The following CADM2 variants were observed in gnomAD, a reference collection of about 807,000 sequenced individuals.
CADM2 encodes cell adhesion molecule 2, also known as immunoglobulin superfamily member 4D.
In CADM2, 12 loss-of-function variants were observed where a neutral mutation model predicts 49.8. The observed-to-expected ratio is 0.24, with a 90% CI of 0.15 to 0.39. The LOEUF is 0.39. Among genes scored for constraint, CADM2 ranks in the 10% least tolerant of loss-of-function variants. CADM2 has a pLI of 1.00. For missense variants in CADM2, 378 were observed against 492.3 expected (o/e 0.77, Z 2.20); for synonymous variants, 214 against 175.4 (o/e 1.22, Z -1.74).
At chr3:85,967,499 A>C (rs1392126567) in intron 8 of CADM2, among the ~76,000 whole-genome samples, 1 of 151,642 alleles carries the variant, frequency 6.6e-6, no homozygotes, top group African/African-American at 2.4e-5. Flanking sequence ...TAATACCTTA[A>C]ATTTGCTTTT....
intron 1 of CADM2, among the ~76,000 whole-genome samples, chr3:85,474,299 A>C (rs983498637): frequency 5.9e-5 from 9 of 151,918 alleles, no homozygotes; most frequent in Non-Finnish European, 1.0e-4. Context: ...TTGAAGTTGG[A>C]GTCCGAAGAG....
intron 1 of CADM2, among the ~76,000 whole-genome samples, chr3:85,481,334 T>C (rs2039201869): frequency 6.6e-6 from 1 of 151,364 alleles, no homozygotes; most frequent in Non-Finnish European, 1.5e-5. Flanking sequence ...AGTTAATTTA[T>C]CACCAATGAC....
chr3:85,562,933 A>C (rs1423251662), intron 1 of CADM2, among the ~76,000 whole-genome samples: 1 of 152,182 alleles, frequency 6.6e-6, no homozygotes, highest in African/African-American at 2.4e-5. Flanking sequence ...ATTGTACAAG[A>C]AGGGAAATCA....
chr3:85,494,814 T>A (rs1311488663), intron 1 of CADM2, among the ~76,000 whole-genome samples: 4 of 152,162 alleles, frequency 2.6e-5, no homozygotes, highest in Non-Finnish European at 5.9e-5. Context: ...TAATTTATAG[T>A]ATAAATGGTG....
intron 1 of CADM2, among the ~76,000 whole-genome samples, chr3:84,966,166 T>C (rs1218612762): frequency 6.6e-6 from 1 of 152,164 alleles, no homozygotes; most frequent in East Asian, 1.9e-4. Flanking sequence ...CTTAGAAGCA[T>C]GCAGCCTATT....
At chr3:85,255,381 A>G (rs1372975299) in intron 1 of CADM2, among the ~76,000 whole-genome samples, 2 of 152,090 alleles carry the variant, frequency 1.3e-5, no homozygotes, top group South Asian at 2.1e-4. Flanking sequence ...AGGCTTAGTT[A>G]GTGGACATGA....
chr3:85,042,524 G>T (rs929572861), intron 1 of CADM2, among the ~76,000 whole-genome samples: 7 of 151,668 alleles, frequency 4.6e-5, no homozygotes, highest in Non-Finnish European at 8.8e-5. Context: ...CTTTTTAGAT[G>T]CTCTGCAATA....
At chr3:85,340,706 C>T (rs988712193) in intron 1 of CADM2, among the ~76,000 whole-genome samples, 1 of 151,540 alleles carries the variant, frequency 6.6e-6, no homozygotes, top group Non-Finnish European at 1.5e-5. Context: ...GGCTTTACCT[C>T]TTTAAAAGAA....
intron 2 of CADM2, among the ~76,000 whole-genome samples, chr3:85,784,530 T>TTATCTATCTATCTATC (rs71112118): frequency 1.4e-5 from 2 of 142,202 alleles, no homozygotes; most frequent in Non-Finnish European, 3.1e-5. Context: ...CTAAATATAT[T>TTATCTATCTATCTATC]TATCTATCTA....
At chr3:85,990,752 T>A (rs1419068281) in intron 8 of CADM2, among the ~76,000 whole-genome samples, 1 of 152,154 alleles carries the variant, frequency 6.6e-6, no homozygotes, top group African/African-American at 2.4e-5. Context: ...TGAATATCAA[T>A]GAGATTATCT....
intron 2 of CADM2, among the ~76,000 whole-genome samples, chr3:85,738,709 T>A (rs2068251155): frequency 6.6e-6 from 1 of 152,206 alleles, no homozygotes; most frequent in Admixed American, 6.5e-5. Context: ...ATGCAAGTTT[T>A]AAAAAGTCTT....
At chr3:85,821,703 T>G (rs2073580914) in intron 3 of CADM2, among the ~76,000 whole-genome samples, 1 of 152,126 alleles carries the variant, frequency 6.6e-6, no homozygotes, top group African/African-American at 2.4e-5. Flanking sequence ...CAAACTAACC[T>G]TATTCATGGA....
intron 1 of CADM2, among the ~76,000 whole-genome samples, chr3:85,089,493 G>A (rs1315947927): frequency 6.6e-6 from 1 of 152,040 alleles, no homozygotes; most frequent in Non-Finnish European, 1.5e-5. Flanking sequence ...TAGCAGTTTA[G>A]TCCAAAATCT....
intron 1 of CADM2, among the ~76,000 whole-genome samples, chr3:85,454,400 G>A (rs1170897493): frequency 6.6e-6 from 1 of 151,968 alleles, no homozygotes; most frequent in Admixed American, 6.6e-5. Flanking sequence ...ATCCCACCAA[G>A]CAAGCAGACC....
chr3:85,933,667 A>G (rs1720867449), intron 6 of CADM2, among the ~76,000 whole-genome samples: 1 of 152,148 alleles, frequency 6.6e-6, no homozygotes, highest in Non-Finnish European at 1.5e-5. Flanking sequence ...GAAGACCAAG[A>G]GTACCAATGG....
At chr3:85,413,536 G>A (rs1352653454) in intron 1 of CADM2, among the ~76,000 whole-genome samples, 1 of 152,150 alleles carries the variant, frequency 6.6e-6, no homozygotes, top group Non-Finnish European at 1.5e-5. Flanking sequence ...AGTGGCTTCT[G>A]AGAAGGCCTC....
intron 1 of CADM2, among the ~76,000 whole-genome samples, chr3:85,575,509 C>T (rs1485483390): frequency 6.6e-6 from 1 of 152,122 alleles, no homozygotes; most frequent in Non-Finnish European, 1.5e-5. Flanking sequence ...CGAGATGGCA[C>T]CACTGCACTC....
intron 3 of CADM2, among the ~76,000 whole-genome samples, chr3:85,866,547 A>G (rs2075727954): frequency 6.6e-6 from 1 of 152,124 alleles, no homozygotes; most frequent in Non-Finnish European, 1.5e-5. Flanking sequence ...CGTATTTTAT[A>G]TCTGTACGTT....
chr3:86,066,332 C>CAAAAGAAAAAAAAAA (rs1739316160), intron 9 of CADM2, among the ~76,000 whole-genome samples: 2 of 30,360 alleles, frequency 6.6e-5, no homozygotes, highest in African/African-American at 4.3e-4. Context: ...GACTCCGTCT[C>CAAAAGAAAAAAAAAA]AAAAAAAAAA....
Sources: allele counts gnomAD v4.1 joint callset (sites outside exome capture counted in the v4.1 genomes callset), GRCh38; gene constraint gnomAD v4.1.1; transcripts MANE v1.5; gene names NCBI Gene and HGNC (gene_info 2026-07-23, HGNC 2026-07-21).